RYR3: variants seen among roughly 807,000 people sequenced by gnomAD.
RYR3 encodes the protein ryanodine receptor 3.
A neutral mutation model predicts 584.3 loss-of-function variants in RYR3; 207 were observed. The observed-to-expected ratio is 0.35, with a 90% confidence interval of 0.32 to 0.40. RYR3 has a LOEUF of 0.40. Ranked by LOEUF, RYR3 falls within the 10% of genes least tolerant of loss-of-function variation. The pLI is 1.00. For missense variants in RYR3, 5,616 were observed against 6,089.2 expected (o/e 0.92, Z 2.59); for synonymous variants, 2,416 against 2,248.5 (o/e 1.07, Z -2.11).
chr15:33,518,036 C>T (rs2053665355), intron 3 of RYR3, among the ~76,000 whole-genome samples: 1 of 152,200 alleles, frequency 6.6e-6, no homozygotes, highest in African/African-American at 2.4e-5. Flanking sequence ...GTTGCATAAA[C>T]AGCTGTGGAT....
At chr15:33,333,384 G>A (rs779568610) in intron 1 of RYR3, among the ~76,000 whole-genome samples, 2 of 152,042 alleles carry the variant, frequency 1.3e-5, no homozygotes, top group African/African-American at 4.8e-5. Flanking sequence ...ATACAAGGTT[G>A]GTTTAACAAT....
chr15:33,561,851 A>G (rs1348767976), intron 10 of RYR3, among the ~76,000 whole-genome samples: 1 of 151,848 alleles, frequency 6.6e-6, no homozygotes, highest in East Asian at 1.9e-4. Context: ...GTGAGCCAAG[A>G]TTGTACCACT....
intron 86 of RYR3, among the ~76,000 whole-genome samples, chr15:33,834,037 T>C (rs1596893018): frequency 6.6e-6 from 1 of 152,070 alleles, no homozygotes; most frequent in East Asian, 1.9e-4. Flanking sequence ...CTCCCAGCAC[T>C]TTGAGAGGCT....
chr15:33,431,406 AGT>A (rs2045132864), intron 1 of RYR3, among the ~76,000 whole-genome samples: 1 of 152,320 alleles, frequency 6.6e-6, no homozygotes, highest in East Asian at 1.9e-4. Context: ...CATACATATA[AGT>A]GTGTGTATAT....
chr15:33,566,516 T>C (rs2057724846), intron 11 of RYR3, among the ~76,000 whole-genome samples, 162 bp from the exon 12 acceptor site: 1 of 152,248 alleles, frequency 6.6e-6, no homozygotes, highest in Admixed American at 6.5e-5. Flanking sequence ...ATAGGGCGTA[T>C]GGGTGCAATA....
At position 33,725,180 on chromosome 15, in the gene RYR3, C is replaced by CACACACACACACACACACATATATAT. The variant is rs1555427018; in HGVS notation, c.6912+1023_6912+1024insTATATATACACACACACACACACACA. Among the ~76,000 whole-genome samples the CACACACACACACACACACATATATAT allele has an allele frequency of 5.1e-4, 73 of 143,896 alleles. 1 individual carries two copies. The highest frequency in any genetic ancestry group is 7.3e-3 in the Middle Eastern group (2 of 274). 94.4% of individuals were successfully genotyped at this position (143,896 alleles called of 152,430 possible). On this transcript the variant is annotated intron_variant, in intron 45 of 103. Coordinates refer to ENST00000634891, the MANE Select transcript of RYR3 (RefSeq NM_001036.6). ...ACACACACACACACACACACACACA[C>CACACACACACACACACACATATATAT]ACACACACACACACACACACACATA...
intron 69 of RYR3, among the ~76,000 whole-genome samples, chr15:33,803,572 G>A (rs1478826830): frequency 6.6e-6 from 1 of 152,106 alleles, no homozygotes; most frequent in Non-Finnish European, 1.5e-5. Flanking sequence ...CTGGAGTGCA[G>A]TGGCATGATC....
intron 2 of RYR3, among the ~76,000 whole-genome samples, chr15:33,478,575 C>CT (rs1433888088): frequency 6.6e-6 from 1 of 152,178 alleles, no homozygotes; most frequent in African/African-American, 2.4e-5. Flanking sequence ...GGTAACATGA[C>CT]TTACATACAG....
intron 2 of RYR3, among the ~76,000 whole-genome samples, chr15:33,478,586 G>A (rs1389423103): frequency 1.3e-5 from 2 of 152,160 alleles, no homozygotes; most frequent in African/African-American, 4.8e-5. Flanking sequence ...TTACATACAG[G>A]TTGTATCAAG....
chr15:33,728,879 T>TA lies in RYR3; in HGVS notation c.7057dup (p.Met2353AsnfsTer8). On this transcript the variant is annotated frameshift_variant, in exon 47 of 104. Transcript: ENST00000634891. LOFTEE classifies it high-confidence loss of function. ...CAGATGGGTCGGTCAGTGAGCCAGA[T>TA]ATGGCGGCCAATTTCTGCCCTGACC... 1 of 1,612,750 alleles carries TA rather than the reference T, an allele frequency of 6.2e-7. No homozygotes were observed. Among genetic ancestry groups the TA allele is most frequent in the East Asian group, 2.2e-5 (1 of 44,884 alleles).
chr15:33,849,146 C>T (rs74322080), intron 94 of RYR3: 4,933 of 152,268 alleles, frequency 0.032, 162 homozygotes, highest in Non-Finnish European at 0.039. Context: ...TGAAGTCCTC[C>T]TCTTAACCAA....
intron 23 of RYR3, among the ~76,000 whole-genome samples, chr15:33,632,287 C>T (rs1021940167): frequency 1.3e-5 from 2 of 152,230 alleles, no homozygotes; most frequent in Non-Finnish European, 2.9e-5. Flanking sequence ...CCATGACAAT[C>T]TGCTTTCCTA....
In RYR3 at chr15:33,416,288, C is replaced by T. The variant is rs113333894; in HGVS notation, c.52-57131C>T. On this transcript the variant is annotated intron_variant, in intron 1 of 103. Transcript: ENST00000634891. ...ATTTAAGAAATCTCCAAGCTGCTTT[C>T]CACAGGGGCTGAGCTAATTTGCATT... Among the ~76,000 whole-genome samples the T allele has an allele frequency of 7.7e-4, 118 of 152,262 alleles. 1 individual carries two copies. Among genetic ancestry groups the T allele is most frequent in the Non-Finnish European group, 1.5e-3 (102 of 68,022 alleles).
intron 1 of RYR3, among the ~76,000 whole-genome samples, chr15:33,421,034 T>C (rs1464377572): frequency 6.6e-6 from 1 of 152,036 alleles, no homozygotes; most frequent in Non-Finnish European, 1.5e-5. Context: ...CCTGAATGGG[T>C]TATCCAGGCC....
intron 1 of RYR3, among the ~76,000 whole-genome samples, chr15:33,358,794 G>A (rs965951466): frequency 6.6e-6 from 1 of 152,048 alleles, no homozygotes; most frequent in African/African-American, 2.4e-5. Flanking sequence ...CCAAAATAAT[G>A]AGGCACTTTC....
chr15:33,854,936 C>T, intron 98 of RYR3, 24 bp downstream of exon 98: 4 of 1,594,526 alleles, frequency 2.5e-6, no homozygotes, highest in Non-Finnish European at 3.4e-6. Context: ...TGATGCAGAA[C>T]AGAATGGACC....
rs762461489 is a variant in RYR3 at position 33,750,197 on chromosome 15, C to T, written c.8310C>T (p.Asp2770=). 2.5e-6 allele frequency: 4 copies of T among 1,609,234 alleles called. No individual in the cohort carries two copies. Among genetic ancestry groups the T allele is most frequent in the Admixed American group, 3.4e-5 (2 of 59,356 alleles). The stretch of plus-strand genomic sequence containing the variant: ...GCCACCCTCTTCTGGTACCATATGA[C>T]ACCTTGACTGCCAAGGAAAAGTTCA... ...GGSHPLLVPY[D]TLTAKEKFKD... Residue 2770 remains aspartate, a synonymous_variant, in exon 57 of 104, where the codon GAC becomes GAT. Transcript: ENST00000634891.
intron 89 of RYR3, chr15:33,839,649 T>C (rs1023442453): frequency 1.3e-5 from 2 of 152,300 alleles, no homozygotes; most frequent in African/African-American, 2.4e-5. Context: ...TGAAAAGTTA[T>C]TGTGCTTTGT....
At chr15:33,546,452 A>G (rs1482165081) in intron 8 of RYR3, among the ~76,000 whole-genome samples, 1 of 152,140 alleles carries the variant, frequency 6.6e-6, no homozygotes, top group Non-Finnish European at 1.5e-5. Context: ...CCTAATATTT[A>G]TTGGGCATTT....
Sources: allele counts gnomAD v4.1 joint callset (sites outside exome capture counted in the v4.1 genomes callset), GRCh38; gene constraint gnomAD v4.1.1; transcripts MANE v1.5; gene names NCBI Gene and HGNC (gene_info 2026-07-23, HGNC 2026-07-21).